The following ABCA1 variants were observed in gnomAD, a reference collection of about 807,000 sequenced individuals.
ABCA1 encodes the protein phospholipid-transporting ATPase ABCA1.
Under a neutral mutation model 262.5 loss-of-function variants are expected in ABCA1, and 133 were observed. That is an observed-to-expected ratio of 0.51 (90% CI 0.44 to 0.59). ABCA1 has a LOEUF of 0.59. Ranked by LOEUF, ABCA1 falls within the 20% of genes least tolerant of loss-of-function variation. ABCA1 has a pLI of 0.00. For missense variants in ABCA1, 2,452 were observed against 2,777.5 expected, an observed-to-expected ratio of 0.88 and a Z score of 2.63; for synonymous variants, 1,022 against 1,043.5, an observed-to-expected ratio of 0.98 and a Z score of 0.40.
At chr9:104,906,383 G>A (rs79301952) in intron 1 of ABCA1, among the ~76,000 whole-genome samples, 1 of 152,110 alleles carries the variant, frequency 6.6e-6, no homozygotes, top group African/African-American at 2.4e-5. Flanking sequence ...AGTTTTCTTG[G>A]ACAGCATTTT....
chr9:104,875,220 G>A (rs753410517), intron 5 of ABCA1, among the ~76,000 whole-genome samples: 33 of 151,950 alleles, frequency 2.2e-4, no homozygotes, highest in Non-Finnish European at 4.7e-4. Context: ...GCATGCGCCT[G>A]TAATCCCAGC....
chr9:104,832,633 A>T lies in ABCA1; in HGVS notation c.1450T>A (p.Trp484Arg). The change falls in exon 12 of 50, where the codon TGG (tryptophan) becomes AGG (arginine). Residue 484 changes from tryptophan (W) to arginine (R), a missense_variant. Physicochemically the swap from Trp to Arg is moderately radical, Grantham distance 101 (BLOSUM62 -3). Coordinates refer to ENST00000374736, the MANE Select transcript of ABCA1 (RefSeq NM_005502.4). ...VQSSNGSVYT[W>R]REAFNETNQA... Reference sequence around the variant, plus strand: ...TTAGTCTCGTTGAAAGCTTCTCTCCAGGTGTACACAGAACCATTACTGGAC... The same window carrying T: ...TTAGTCTCGTTGAAAGCTTCTCTCCTGGTGTACACAGAACCATTACTGGAC... 6.2e-7 allele frequency: 1 copy of T among 1,614,196 alleles called. No individual in the cohort carries two copies. The highest frequency in any genetic ancestry group is 2.2e-5 in the East Asian group (1 of 44,878).
Position 104,799,859 on chromosome 9 carries a change from G to A in ABCA1, c.4903C>T (p.Pro1635Ser). ...SHYGITAFNH[P>S]LNLTKQQLSE... is the part of the protein sequence containing the mutation. ...AGCTGCTGCTTGGTGAGATTCAGGG[G>A]ATGATTGAAAGCAGTAATTCCATAA... The change falls in exon 36 of 50, where the codon CCC becomes TCC. Residue 1635 changes from proline to serine, a missense_variant. Around this residue, in one of 4 missense-constraint regions of ABCA1, gnomAD observed 752 missense variants for 944.5 expected, o/e 0.80. Transcript: ENST00000374736. The A allele has an allele frequency of 6.2e-7, 1 of 1,614,172 alleles. No homozygotes were observed. The highest frequency in any genetic ancestry group is 2.2e-5 in the East Asian group (1 of 44,884).
chr9:104,840,639 C>A (rs1834285243), intron 8 of ABCA1, 120 bp from the exon 9 acceptor site: 1 of 1,067,104 alleles, frequency 9.4e-7, no homozygotes. Flanking sequence ...AAGCCATGTC[C>A]CAGAACATAT....
chr9:104,824,041 T>C (rs1042015554), intron 18 of ABCA1, among the ~76,000 whole-genome samples: 23 of 152,206 alleles, frequency 1.5e-4, no homozygotes, highest in Admixed American at 3.9e-4. Flanking sequence ...TTATGAAGCA[T>C]AGGCTGAGCT....
In ABCA1 at chr9:104,818,821, C is replaced by T. The variant is rs1201737444; in HGVS notation, c.3304G>A (p.Ala1102Thr). Residue 1102 changes from alanine (A) to threonine (T), a missense_variant, in exon 23 of 50, where the codon GCC (alanine) becomes ACC (threonine). Physicochemically the swap from Ala to Thr is moderately conservative, Grantham distance 58. Coordinates refer to ENST00000374736, the MANE Select transcript of ABCA1 (RefSeq NM_005502.4). Reference sequence around the variant, plus strand: ...CACAGCTTCCCATGGGAGATGATGGCAATCCTGTCCCCCAGGACGTCCGCT... The same window carrying T: ...CACAGCTTCCCATGGGAGATGATGGTAATCCTGTCCCCCAGGACGTCCGCT... Reference protein sequence around the residue: ...DEADVLGDRIAIISHGKLCCV... With the variant: ...DEADVLGDRITIISHGKLCCV... 6.2e-7 allele frequency: 1 copy of T among 1,613,954 alleles called. No homozygotes were observed. Among genetic ancestry groups the T allele is most frequent in the African/African-American group, 1.3e-5 (1 of 74,918 alleles).
intron 5 of ABCA1, among the ~76,000 whole-genome samples, chr9:104,867,833 A>G (rs937801462): frequency 7.2e-5 from 11 of 152,238 alleles, no homozygotes; most frequent in African/African-American, 2.7e-4. Flanking sequence ...CAGGAGAGTC[A>G]TTTAGCCACT....
chr9:104,895,900 A>G (rs1840160848), intron 2 of ABCA1, among the ~76,000 whole-genome samples: 1 of 152,194 alleles, frequency 6.6e-6, no homozygotes, highest in South Asian at 2.1e-4. Flanking sequence ...AACAGAGAAA[A>G]CTAGCAGAAT....
Position 104,817,145 on chromosome 9 carries a change from G to T in ABCA1, c.3535+187C>A. On this transcript the variant is annotated intron_variant, in intron 24 of 49. Coordinates refer to ENST00000374736, the MANE Select transcript of ABCA1 (RefSeq NM_005502.4). The surrounding 1 kb of genome is among the most constrained non-coding windows in gnomAD (Gnocchi z 4.7). The stretch of plus-strand genomic sequence containing the variant: ...TGCTAGCTCCCAAACCGAGCCCCAG[G>T]CACCCCAGCAAGCATTAGGCCAACC... The T allele has an allele frequency of 1.1e-6, 1 of 931,264 alleles. No individual in the cohort carries two copies. Among genetic ancestry groups the T allele is most frequent in the Non-Finnish European group, 1.3e-6 (1 of 780,912 alleles). 57.7% of individuals were successfully genotyped at this position (931,264 alleles called of 1,614,324 possible). A position where few individuals can be genotyped will look rare whatever the true frequency, so the allele number is the denominator to read the frequency against.
intron 2 of ABCA1, among the ~76,000 whole-genome samples, chr9:104,899,300 C>A (rs917838223): frequency 1.2e-4 from 19 of 152,140 alleles, no homozygotes; most frequent in African/African-American, 4.6e-4. Context: ...GGAAAGGATG[C>A]AGAGAGTTTC....
chr9:104,792,395 AT>A, intron 42 of ABCA1, among the ~76,000 whole-genome samples: 2 of 152,330 alleles, frequency 1.3e-5, no homozygotes, highest in South Asian at 4.1e-4. Flanking sequence ...AGATGCTGGC[AT>A]CTAGAGGGCT....
At chr9:104,845,641 T>C (rs1834803625) in intron 7 of ABCA1, 72 bp from the exon 8 acceptor site, 1 of 1,091,108 alleles carries the variant, frequency 9.2e-7, no homozygotes. Flanking sequence ...AATAAACAAG[T>C]GAATTAAAAC....
intron 2 of ABCA1, among the ~76,000 whole-genome samples, chr9:104,899,853 C>T (rs117079474): frequency 0.019 from 2,941 of 152,318 alleles, 48 homozygotes; most frequent in Middle Eastern, 0.034. Flanking sequence ...CAGCCTAAAA[C>T]CAGATGAGGA....
rs527838291 is a variant in ABCA1, at chr9:104,854,928, T to C, written c.720+3594A>G. 1.6e-4 allele frequency among the ~76,000 whole-genome samples: 24 copies of C among 152,306 alleles called. 1 individual carries two copies. The highest frequency in any genetic ancestry group is 1.0e-3 in the Admixed American group (16 of 15,294). ...CACATAATAAGAACTGAATAAATATTGCTCAATGCATGAGTAAGATTTTTA... is the reference window on the plus strand; with the variant it reads ...CACATAATAAGAACTGAATAAATATCGCTCAATGCATGAGTAAGATTTTTA... On this transcript the variant is annotated intron_variant, in intron 7 of 49. Transcript: ENST00000374736.
chr9:104,784,416 G>A lies in ABCA1; in HGVS notation c.6685C>T (p.His2229Tyr), dbSNP rs1185124006. Reference protein sequence around the residue: ...NFAKDQSDDDHLKDLSLHKNQ... With the variant: ...NFAKDQSDDDYLKDLSLHKNQ... ...TTGTGTAATGAGAGGTCTTTTAAGTGGTCATCATCACTTTGGTCCTTGGCA... is the reference window on the plus strand; with the variant it reads ...TTGTGTAATGAGAGGTCTTTTAAGTAGTCATCATCACTTTGGTCCTTGGCA... The change falls in exon 50 of 50, where the codon CAC (histidine) becomes TAC (tyrosine). Residue 2229 changes from histidine (H) to tyrosine (Y), a missense_variant. This residue lies in a region of ABCA1 where 752 missense variants were observed against 944.5 expected (regional missense o/e 0.80). Coordinates refer to ENST00000374736, the MANE Select transcript of ABCA1 (RefSeq NM_005502.4). 1.2e-6 allele frequency: 2 copies of A among 1,614,016 alleles called. No homozygotes were observed. The highest frequency in any genetic ancestry group is 2.2e-5 in the South Asian group (2 of 91,074).
chr9:104,799,098 TAAG>T (rs1033704844), intron 36 of ABCA1, among the ~76,000 whole-genome samples: 21 of 152,306 alleles, frequency 1.4e-4, no homozygotes, highest in African/African-American at 4.8e-4. Context: ...CAGATTTTTA[TAAG>T]AAGAATGGTC....
intron 1 of ABCA1, among the ~76,000 whole-genome samples, chr9:104,917,528 G>A (rs1841917006): frequency 6.6e-6 from 1 of 152,164 alleles, no homozygotes; most frequent in Non-Finnish European, 1.5e-5. Context: ...GCCGAGGTGG[G>A]TGGATCACCT....
At chr9:104,858,074 T>C (rs1588424449) in intron 7 of ABCA1, among the ~76,000 whole-genome samples, 2 of 152,332 alleles carry the variant, frequency 1.3e-5, no homozygotes, top group Admixed American at 1.3e-4. Context: ...TGTGGTCTCA[T>C]CTAATTCCAG....
At chr9:104,846,278 C>T (rs1306267337) in intron 7 of ABCA1, among the ~76,000 whole-genome samples, 1 of 152,132 alleles carries the variant, frequency 6.6e-6, no homozygotes, top group Non-Finnish European at 1.5e-5. Context: ...GCTGAGGAGC[C>T]TCAAGTTGGG....
Sources: allele counts gnomAD v4.1 joint callset (sites outside exome capture counted in the v4.1 genomes callset), GRCh38; gene constraint gnomAD v4.1.1; regional missense constraint gnomAD v4.1.1; non-coding constraint Gnocchi (gnomAD v3.1); transcripts MANE v1.5; gene names NCBI Gene and HGNC (gene_info 2026-07-23, HGNC 2026-07-21).